The following MON2 variants were observed in gnomAD, a reference collection of about 807,000 sequenced individuals.
The protein encoded by MON2 is protein MON2 homolog.
MON2 carries 84 observed loss-of-function variants against 208.6 expected under a neutral mutation model. That is an observed-to-expected ratio of 0.40 (90% CI 0.34 to 0.48). The LOEUF (loss-of-function observed/expected upper bound fraction) is 0.48, where lower values mean the gene tolerates loss of function less well. Ranked by LOEUF, MON2 falls within the 20% of genes least tolerant of loss-of-function variation. The pLI is 0.59. For missense variants in MON2, 1,611 were observed against 2,015.4 expected, an observed-to-expected ratio of 0.80 and a Z score of 3.84; for synonymous variants, 660 against 694.0, an observed-to-expected ratio of 0.95 and a Z score of 0.77.
chr12:62,476,241 A>G (rs1337897330), intron 1 of MON2, among the ~76,000 whole-genome samples: 9 of 152,088 alleles, frequency 5.9e-5, no homozygotes, highest in African/African-American at 2.2e-4. Flanking sequence ...ATTGATTTCA[A>G]TGTAGTATTT....
At chr12:62,483,652 G>A (rs1311400776) in intron 1 of MON2, among the ~76,000 whole-genome samples, 1 of 152,176 alleles carries the variant, frequency 6.6e-6, no homozygotes, top group South Asian at 2.1e-4. Flanking sequence ...GGAGGCGGAG[G>A]TTGTAGTGAG....
At position 62,585,095 on chromosome 12, in the gene MON2, ACACACACACACACACAAAAC is replaced by A. The variant is rs1286944860; in HGVS notation, c.4700-198_4700-179del. On this transcript the variant is annotated intron_variant, in intron 32 of 34. Transcript: ENST00000393630. ...CACACACACACACACACACACACACACACACACACACACACAAAACAAAAAAAAACAAAAAAAAAACACAT... is the reference window on the plus strand; with the variant it reads ...CACACACACACACACACACACACACAAAAAAAAAACAAAAAAAAAACACAT... Among the ~76,000 whole-genome samples, 334 of 104,850 alleles carry A rather than the reference ACACACACACACACACAAAAC, an allele frequency of 3.2e-3. 15 individuals are homozygous for A. The highest frequency in any genetic ancestry group is 9.9e-3 in the African/African-American group (244 of 24,624). The allele number at this position is 104,850 out of a possible 152,430, so 68.8% of individuals were successfully genotyped here.
At chr12:62,510,867 A>G (rs2071360682) in intron 8 of MON2, among the ~76,000 whole-genome samples, 1 of 152,236 alleles carries the variant, frequency 6.6e-6, no homozygotes, top group East Asian at 1.9e-4. Context: ...CTGTTTGCTA[A>G]TGTATGTTTT....
intron 11 of MON2, among the ~76,000 whole-genome samples, chr12:62,528,255 T>A (rs1745860024): frequency 6.6e-6 from 1 of 152,208 alleles, no homozygotes; most frequent in South Asian, 2.1e-4. Context: ...TTTCACTATT[T>A]TCTTTGAAGG....
chr12:62,514,040 G>T (rs2071559391), intron 8 of MON2, among the ~76,000 whole-genome samples: 1 of 150,050 alleles, frequency 6.7e-6, no homozygotes, highest in African/African-American at 2.4e-5. Flanking sequence ...CAAATCTCTA[G>T]GGCAGGGGCA....
intron 29 of MON2, among the ~76,000 whole-genome samples, chr12:62,569,180 TTAA>T (rs1303100853): frequency 1.3e-5 from 2 of 152,240 alleles, no homozygotes; most frequent in Non-Finnish European, 2.9e-5. Flanking sequence ...TCTGCTATGC[TTAA>T]TGTTTTTCTT....
intron 34 of MON2, 99 bp from the exon 35 acceptor site, chr12:62,592,487 G>GT: frequency 2.1e-6 from 2 of 937,096 alleles, no homozygotes; most frequent in Non-Finnish European, 3.0e-6. Context: ...ATGTTTCAGA[G>GT]TTTTTTCTTT....
At chr12:62,468,331 C>G (rs1465341997) in intron 1 of MON2, among the ~76,000 whole-genome samples, 1 of 151,990 alleles carries the variant, frequency 6.6e-6, no homozygotes, top group South Asian at 2.1e-4. Flanking sequence ...CCACAGCGCC[C>G]GGCTGTTTTT....
At chr12:62,585,177 T>C in intron 32 of MON2, 117 bp from the exon 33 acceptor site, 1 of 738,386 alleles carries the variant, frequency 1.4e-6, no homozygotes, top group South Asian at 1.8e-5. Context: ...TAGGTTGTTC[T>C]AGGTGCCTTT....
chr12:62,524,315 A>C (rs1395417955), intron 8 of MON2, among the ~76,000 whole-genome samples, 200 bp from the exon 9 acceptor site: 1 of 152,156 alleles, frequency 6.6e-6, no homozygotes, highest in East Asian at 1.9e-4. Flanking sequence ...TTAGAGAAAC[A>C]CTGTGATTAT....
chr12:62,531,683 A>G (rs184565792), intron 11 of MON2, among the ~76,000 whole-genome samples: 130 of 152,300 alleles, frequency 8.5e-4, no homozygotes, highest in African/African-American at 3.0e-3. Flanking sequence ...TGTATTTGAA[A>G]TGATAGGTGA....
intron 22 of MON2, among the ~76,000 whole-genome samples, chr12:62,549,287 AATT>A (rs1592366550): frequency 6.6e-6 from 1 of 152,048 alleles, no homozygotes; most frequent in East Asian, 1.9e-4. Flanking sequence ...TTTTACTTCA[AATT>A]ATTGTAAGAT....
chr12:62,500,487 A>G (rs992335184), intron 5 of MON2, among the ~76,000 whole-genome samples: 24 of 152,182 alleles, frequency 1.6e-4, no homozygotes, highest in Admixed American at 5.2e-4. Context: ...TAAATCCATG[A>G]AAAAAAGGGG....
chr12:62,509,674 A>C (rs1273143457), intron 8 of MON2, among the ~76,000 whole-genome samples: 1 of 152,218 alleles, frequency 6.6e-6, no homozygotes, highest in East Asian at 1.9e-4. Context: ...AAATTTAAGA[A>C]GATTGTAATC....
chr12:62,574,548 T>C (rs2136424721), intron 30 of MON2, among the ~76,000 whole-genome samples: 2 of 152,266 alleles, frequency 1.3e-5, no homozygotes, highest in African/African-American at 4.8e-5. Context: ...AGCTAATTTT[T>C]GTATTTTTTT....
chr12:62,566,173 A>T lies in MON2; in HGVS notation c.4194+142A>T, dbSNP rs535433546. 56 of 1,324,182 alleles carry T rather than the reference A, an allele frequency of 4.2e-5. No homozygotes were observed. In the South Asian group the frequency reaches 7.3e-4, roughly 17 times the overall value. 82.0% of individuals were successfully genotyped at this position (1,324,182 alleles called of 1,614,324 possible). On this transcript the variant is annotated intron_variant, in intron 28 of 34. Transcript: ENST00000393630. ...CTGAAAATTATTTTTTTCATGAAGTACATATCTCTTTGAAAACTTTGCATG... is the reference window on the plus strand; with the variant it reads ...CTGAAAATTATTTTTTTCATGAAGTTCATATCTCTTTGAAAACTTTGCATG...
Position 62,534,993 on chromosome 12 carries a change from C to T in MON2, c.1715+67C>T, listed in dbSNP as rs564328981. The T allele has an allele frequency of 1.4e-5, 16 of 1,119,324 alleles. No individual in the cohort carries two copies. The African/African-American group carries it at 2.3e-4, about 16-fold the overall frequency. The allele number at this position is 1,119,324 out of a possible 1,614,324, so 69.3% of individuals were successfully genotyped here. On this transcript the variant is annotated intron_variant, in intron 13 of 34. Coordinates refer to ENST00000393630, the MANE Select transcript of MON2 (RefSeq NM_015026.3). ...AAAAAAAACACATTAAAATGGTTTA[C>T]TTACATTTGTCCCTAGAATTATTTT...
chr12:62,529,878 G>A (rs554258275), intron 11 of MON2, among the ~76,000 whole-genome samples: 1 of 152,038 alleles, frequency 6.6e-6, no homozygotes, highest in African/African-American at 2.4e-5. Flanking sequence ...TGTAATAAAT[G>A]TACATATTTT....
At position 62,513,492 on chromosome 12, in the gene MON2, C is replaced by A. The variant is rs952467807; in HGVS notation, c.984+5012C>A. On this transcript the variant is annotated intron_variant, in intron 8 of 34. Coordinates refer to ENST00000393630, the MANE Select transcript of MON2 (RefSeq NM_015026.3). ...CCACCCGCCTCGGCCTCCCAAAGTG[C>A]TGGGATTATAGGCATGAGCCACTGC... 5.9e-5 allele frequency among the ~76,000 whole-genome samples: 9 copies of A among 152,082 alleles called. No individual in the cohort carries two copies. In the East Asian group the frequency reaches 1.8e-3, roughly 30 times the overall value.
Sources: allele counts gnomAD v4.1 joint callset (sites outside exome capture counted in the v4.1 genomes callset), GRCh38; gene constraint gnomAD v4.1.1; transcripts MANE v1.5; gene names NCBI Gene and HGNC (gene_info 2026-07-23, HGNC 2026-07-21).